The following PARP6 variants were observed in gnomAD, a reference collection of about 807,000 sequenced individuals.
PARP6 encodes the protein protein mono-ADP-ribosyltransferase PARP6.
PARP6 carries 27 observed loss-of-function variants against 92.0 expected under a neutral mutation model. That is an observed-to-expected ratio of 0.29 (90% CI 0.22 to 0.40). The LOEUF (loss-of-function observed/expected upper bound fraction) is 0.40, where lower values mean the gene tolerates loss of function less well. PARP6 is among the 10% of genes least tolerant of loss of function. The pLI, the probability that PARP6 is intolerant of heterozygous loss-of-function variation, is 1.00. For missense variants in PARP6, 501 were observed against 784.5 expected (o/e 0.64, Z 4.32); for synonymous variants, 272 against 281.2 (o/e 0.97, Z 0.33).
intron 1 of PARP6, among the ~76,000 whole-genome samples, chr15:72,271,678 G>A (rs1054253430): frequency 5.9e-5 from 9 of 152,112 alleles, no homozygotes; most frequent in Non-Finnish European, 8.8e-5. Context: ...CATGTGATGT[G>A]GTTATAATTA....
chr15:72,250,834 A>G lies in PARP6; in HGVS notation c.1418+11T>C, dbSNP rs1375852984. On this transcript the variant is annotated intron_variant, in intron 18 of 23. Coordinates refer to ENST00000569795, the MANE Select transcript of PARP6 (RefSeq NM_001323532.2). ...TCACCACCCCCACTGCCCAGCCCCC[A>G]GCCTCCTCACTGGAAGGCAAAGGTG... is the stretch of plus-strand genomic sequence containing the variant. The G allele has an allele frequency of 1.4e-5, 15 of 1,040,020 alleles. No homozygotes were observed. Among genetic ancestry groups the G allele is most frequent in the Non-Finnish European group, 2.1e-5 (15 of 711,246 alleles). 64.4% of individuals were successfully genotyped at this position (1,040,020 alleles called of 1,614,324 possible).
chr15:72,243,949 C>G (rs958557651), intron 20 of PARP6: 1 of 152,224 alleles, frequency 6.6e-6, no homozygotes, highest in Non-Finnish European at 1.5e-5. Flanking sequence ...AACTGACATT[C>G]TTCACTGCTC....
At chr15:72,263,266 T>A (rs2086134011) in intron 8 of PARP6, among the ~76,000 whole-genome samples, 1 of 152,196 alleles carries the variant, frequency 6.6e-6, no homozygotes, top group Non-Finnish European at 1.5e-5. Context: ...AAATCAGTCT[T>A]CAAGTCTTAT....
rs372747393 is a variant in PARP6, at chr15:72,242,217, G to A, written c.1645C>T (p.Arg549Ter). ...TGCAGGAACCGTGACTGAATGGATCGGGTCTGGAAGAGAAGGAGGCAAAGG... is the reference window on the plus strand; with the variant it reads ...TGCAGGAACCGTGACTGAATGGATCAGGTCTGGAAGAGAAGGAGGCAAAGG... The part of the protein sequence containing the change: ...YNRMNTIPQT[R>*]SIQSRFLQSR... Residue 549 changes from arginine to a stop codon, truncating the protein, a stop_gained, in exon 22 of 24, where the codon CGA (arginine) becomes TGA (stop). Transcript: ENST00000569795. LOFTEE classifies it high-confidence loss of function. The surrounding 1 kb of genome is among the most constrained non-coding windows in gnomAD (Gnocchi z 4.3). 1.9e-6 allele frequency: 3 copies of A among 1,613,724 alleles called. No individual in the cohort carries two copies. The highest frequency in any genetic ancestry group is 1.3e-5 in the African/African-American group (1 of 74,906).
At chr15:72,254,169 C>T in intron 15 of PARP6, 1 of 478,762 alleles carries the variant, frequency 2.1e-6, no homozygotes, top group South Asian at 1.9e-5. Flanking sequence ...CTTTCCTTCA[C>T]TTCTTAACTC....
chr15:72,258,722 G>GT (rs34407333), intron 11 of PARP6, among the ~76,000 whole-genome samples: 35 of 151,908 alleles, frequency 2.3e-4, no homozygotes, highest in Admixed American at 7.2e-4. Flanking sequence ...ATCCTACAGC[G>GT]TTTTTTTTGT....
At chr15:72,260,747 G>A in intron 9 of PARP6, 59 bp from the exon 10 acceptor site, 2 of 1,345,462 alleles carry the variant, frequency 1.5e-6, no homozygotes, top group East Asian at 2.3e-5. Context: ...ATCCCTGGAG[G>A]GGACTGGAGA....
At chr15:72,250,525 C>G in intron 18 of PARP6, 2 of 342,078 alleles carry the variant, frequency 5.8e-6, no homozygotes, top group African/African-American at 4.2e-5. Flanking sequence ...TTCTCTTTCC[C>G]TCCTCTCAAA....
chr15:72,268,576 C>T (rs1475626940), intron 2 of PARP6, among the ~76,000 whole-genome samples: 1 of 152,142 alleles, frequency 6.6e-6, no homozygotes, highest in African/African-American at 2.4e-5. Flanking sequence ...CGTGCGCTTA[C>T]GATCCCAGCT....
Position 72,241,536 on chromosome 15 carries a change from G to A in PARP6, c.1812C>T (p.Gly604=), listed in dbSNP as rs546050509. Residue 604 remains glycine, a synonymous_variant, in exon 24 of 24, where the codon GGC becomes GGT. Transcript: ENST00000569795. The surrounding 1 kb of genome is among the most constrained non-coding windows in gnomAD (Gnocchi z 4.1). ...GGTCCTGAGTATTAATGTTGGCATC[G>A]CCCACCTGACCATCCTCATATCTGC... The part of the protein sequence containing the change: ...FFFVYEDGQV[G]DANINTQDPK... 3.1e-6 allele frequency: 5 copies of A among 1,613,470 alleles called. No individual in the cohort carries two copies. The South Asian group carries it at 3.3e-5, about 11-fold the overall frequency.
chr15:72,267,335 C>G, intron 3 of PARP6, 140 bp downstream of exon 3: 1 of 877,428 alleles, frequency 1.1e-6, no homozygotes, highest in Non-Finnish European at 1.9e-6. Flanking sequence ...TTCTGTGCCC[C>G]TTCCCTTTCC....
At chr15:72,261,295 A>C (rs1310349960) in intron 9 of PARP6, among the ~76,000 whole-genome samples, 1 of 152,248 alleles carries the variant, frequency 6.6e-6, no homozygotes, top group Non-Finnish European at 1.5e-5. Context: ...AAAAGAACAG[A>C]AAGATGGAAG....
Position 72,264,550 on chromosome 15 carries a change from C to G in PARP6, c.395+5G>C. On this transcript the variant is annotated splice_donor_5th_base_variant and intron_variant, in intron 8 of 23. Coordinates refer to ENST00000569795, the MANE Select transcript of PARP6 (RefSeq NM_001323532.2). The stretch of plus-strand genomic sequence containing the variant: ...TCCATGACCAGAAAAGACCAAAGTT[C>G]TTACTTTTTCAACTGAAGACCCAGC... The G allele has an allele frequency of 6.2e-7, 1 of 1,611,558 alleles. No individual in the cohort carries two copies. The highest frequency in any genetic ancestry group is 1.1e-5 in the South Asian group (1 of 90,944).
chr15:72,264,750 A>T (rs2086347623), intron 7 of PARP6, 129 bp from the exon 8 acceptor site: 1 of 693,842 alleles, frequency 1.4e-6, no homozygotes, highest in African/African-American at 1.8e-5. Context: ...GTAACGGTGG[A>T]AGAAAAAAAA....
Position 72,265,967 on chromosome 15 carries a change from G to A in PARP6, c.106C>T (p.Arg36Ter). 2 of 1,613,828 alleles carry A rather than the reference G, an allele frequency of 1.2e-6. No homozygotes were observed. Among genetic ancestry groups the A allele is most frequent in the Non-Finnish European group, 1.7e-6 (2 of 1,179,802 alleles). The change falls in exon 5 of 24, where the codon CGA (arginine) becomes TGA (stop). Residue 36 changes from arginine (R) to a stop codon, truncating the protein, a stop_gained. Transcript: ENST00000569795. LOFTEE classifies it high-confidence loss of function. ...VQGSCAADLY[R>*]HPQLDADIEA... ...ATGTCTGCATCAAGCTGTGGGTGTCGATACAGGTCAGCTGCACAGCTCCCC... is the reference window on the plus strand; with the variant it reads ...ATGTCTGCATCAAGCTGTGGGTGTCAATACAGGTCAGCTGCACAGCTCCCC...
intron 13 of PARP6, 106 bp downstream of exon 13, chr15:72,257,242 C>G: frequency 1.2e-6 from 1 of 807,822 alleles, no homozygotes; most frequent in Non-Finnish European, 2.2e-6. Flanking sequence ...CAGTGGTTAT[C>G]TTATATACAA....
At chr15:72,259,502 C>T in intron 11 of PARP6, 106 bp downstream of exon 11, 1 of 873,962 alleles carries the variant, frequency 1.1e-6, no homozygotes, top group Non-Finnish European at 1.9e-6. Flanking sequence ...GTTCTGGAAG[C>T]AAAGCAATTC....
chr15:72,270,146 C>T (rs902558849), intron 2 of PARP6, among the ~76,000 whole-genome samples: 51 of 152,070 alleles, frequency 3.4e-4, no homozygotes, highest in African/African-American at 9.2e-4. Context: ...TAGGAGTCTT[C>T]CAGCTCATAG....
chr15:72,256,444 T>C lies in PARP6; in HGVS notation c.1125+21A>G, dbSNP rs1201202320. 3.3e-6 allele frequency: 5 copies of C among 1,519,032 alleles called. No individual in the cohort carries two copies. The African/African-American group carries it at 5.7e-5, about 17-fold the overall frequency. 94.1% of individuals were successfully genotyped at this position (1,519,032 alleles called of 1,614,324 possible). ...TTTTATCATTTCTGTTCCTTAGCCC[T>C]GACTTTCTCAAGTAACATACCTTAG... On this transcript the variant is annotated intron_variant, in intron 14 of 23. Transcript: ENST00000569795.
Sources: allele counts gnomAD v4.1 joint callset (sites outside exome capture counted in the v4.1 genomes callset), GRCh38; gene constraint gnomAD v4.1.1; non-coding constraint Gnocchi (gnomAD v3.1); transcripts MANE v1.5; gene names NCBI Gene and HGNC (gene_info 2026-07-23, HGNC 2026-07-21).